Variants in NEXN observed in about 807,000 individuals in gnomAD.
The protein encoded by NEXN is nexilin.
NEXN carries 65 observed loss-of-function variants against 92.6 expected under a neutral mutation model. The observed-to-expected ratio is 0.70, with a 90% CI of 0.57 to 0.86. The LOEUF (loss-of-function observed/expected upper bound fraction) is 0.86. NEXN is among the 40% of genes least tolerant of loss of function. The pLI is 0.00. For missense variants in NEXN, 778 were observed against 771.1 expected (o/e 1.01, Z -0.11); for synonymous variants, 254 against 242.5 (o/e 1.05, Z -0.44).
rs752321632 is a variant in NEXN, at chr1:77,926,818, A to C, written c.790A>C (p.Lys264Gln). 2 of 1,614,054 alleles carry C rather than the reference A, an allele frequency of 1.2e-6. No individual in the cohort carries two copies. Among genetic ancestry groups the C allele is most frequent in the Non-Finnish European group, 1.7e-6 (2 of 1,180,002 alleles). Residue 264 changes from lysine to glutamine, a missense_variant, in exon 8 of 13, where the codon AAG (lysine) becomes CAG (glutamine). Physicochemically the swap from Lys to Gln is moderately conservative, Grantham distance 53 (BLOSUM62 1). Coordinates refer to ENST00000334785, the MANE Select transcript of NEXN (RefSeq NM_144573.4). ...LERQRQENRK[K>Q]QAEEEARKRL... Reference sequence around the variant, plus strand: ...GCGACAAAGACAAGAAAACCGAAAGAAGCAAGCTGAAGAGGAAGCAAGAAA... The same window carrying C: ...GCGACAAAGACAAGAAAACCGAAAGCAGCAAGCTGAAGAGGAAGCAAGAAA...
At chr1:77,931,647 C>T (rs1254367942) in intron 9 of NEXN, 2 of 152,088 alleles carry the variant, frequency 1.3e-5, no homozygotes, top group African/African-American at 4.8e-5. Context: ...GTTTTCTTAT[C>T]CACAAATAAG....
Position 77,927,044 on chromosome 1 carries a change from T to C in NEXN, c.864+152T>C, listed in dbSNP as rs948986989. On this transcript the variant is annotated intron_variant, in intron 8 of 12. Coordinates refer to ENST00000334785, the MANE Select transcript of NEXN (RefSeq NM_144573.4). ...TTTCATATATAAAATACATCTAGGC[T>C]AGGCACGGTGGCTCATGCTGTAATC... is the stretch of plus-strand genomic sequence containing the variant. 2.8e-5 allele frequency: 31 copies of C among 1,089,750 alleles called. No homozygotes were observed. In the African/African-American group the frequency reaches 4.3e-4, roughly 15 times the overall value. The allele number at this position is 1,089,750 out of a possible 1,614,324, so 67.5% of individuals were successfully genotyped here. A position where few individuals can be genotyped will look rare whatever the true frequency, so the allele number is the denominator to read the frequency against.
chr1:77,931,516 CT>C (rs1650309603), intron 9 of NEXN: 1 of 150,956 alleles, frequency 6.6e-6, no homozygotes, highest in Non-Finnish European at 1.5e-5. Flanking sequence ...CCAATACTGC[CT>C]TTTTACCATG....
At chr1:77,893,801 G>T (rs1647160054) in intron 1 of NEXN, among the ~76,000 whole-genome samples, 1 of 151,608 alleles carries the variant, frequency 6.6e-6, no homozygotes, top group Admixed American at 6.6e-5. Flanking sequence ...ATCAAGGCAG[G>T]TTGAAAGATT....
chr1:77,927,608 G>C (rs796823488), intron 8 of NEXN, among the ~76,000 whole-genome samples: 6,749 of 145,678 alleles, frequency 0.046, 185 homozygotes, highest in South Asian at 0.13. Flanking sequence ...GTGTCTGTGT[G>C]TGTGTGTGTG....
chr1:77,890,826 T>C (rs576083083), intron 1 of NEXN, among the ~76,000 whole-genome samples: 170 of 152,106 alleles, frequency 1.1e-3, no homozygotes, highest in Non-Finnish European at 1.6e-3. Context: ...TGTGGAAAAG[T>C]ATGTAACAGA....
intron 1 of NEXN, among the ~76,000 whole-genome samples, chr1:77,910,823 CTG>C (rs1648520265): frequency 6.8e-6 from 1 of 148,114 alleles, no homozygotes; most frequent in African/African-American, 2.5e-5. Flanking sequence ...AATACAAAAA[CTG>C]TATTTTTTAA....
At chr1:77,921,960 G>T (rs542533595) in intron 5 of NEXN, among the ~76,000 whole-genome samples, 1 of 152,038 alleles carries the variant, frequency 6.6e-6, no homozygotes, top group African/African-American at 2.4e-5. Context: ...TAGAGATGGG[G>T]TCTCACTTTG....
intron 1 of NEXN, among the ~76,000 whole-genome samples, chr1:77,898,793 A>G (rs1453277590): frequency 6.6e-6 from 1 of 152,184 alleles, no homozygotes. Flanking sequence ...AGAATCTACA[A>G]TGAACTCAAA....
chr1:77,900,415 A>G (rs1305006614), intron 1 of NEXN, among the ~76,000 whole-genome samples: 1 of 152,308 alleles, frequency 6.6e-6, no homozygotes, highest in African/African-American at 2.4e-5. Context: ...TATAATAATT[A>G]GTACATCTAT....
rs1258854385 is a variant in NEXN at position 77,906,127 on chromosome 1, A to G, written c.-52-9928A>G. 4.6e-5 allele frequency among the ~76,000 whole-genome samples: 7 copies of G among 152,144 alleles called. No individual in the cohort carries two copies. The East Asian group carries it at 1.3e-3, about 29-fold the overall frequency. ...AGAGAAGGAATGCTCAGAGACATGAAAAAACAGAGGGAGAATAGTGTTATG... is the reference window on the plus strand; with the variant it reads ...AGAGAAGGAATGCTCAGAGACATGAGAAAACAGAGGGAGAATAGTGTTATG... On this transcript the variant is annotated intron_variant, in intron 1 of 12. Transcript: ENST00000334785.
At chr1:77,914,010 C>T (rs978970082) in intron 1 of NEXN, among the ~76,000 whole-genome samples, 1 of 152,170 alleles carries the variant, frequency 6.6e-6, no homozygotes, top group Admixed American at 6.5e-5. Context: ...GTGGTTCCAA[C>T]TGTATGACAT....
intron 1 of NEXN, among the ~76,000 whole-genome samples, chr1:77,915,836 T>C (rs1648931629): frequency 6.6e-6 from 1 of 152,196 alleles, no homozygotes; most frequent in African/African-American, 2.4e-5. Flanking sequence ...ATCAAGCTAT[T>C]CTGGATCAAA....
At chr1:77,921,571 A>T (rs1356044008) in intron 5 of NEXN, among the ~76,000 whole-genome samples, 1 of 151,944 alleles carries the variant, frequency 6.6e-6, no homozygotes, top group Non-Finnish European at 1.5e-5. Flanking sequence ...CAGCCTCCTA[A>T]GTAGCTGGGA....
At position 77,914,844 on chromosome 1, in the gene NEXN, C is replaced by T. The variant is rs1452029149; in HGVS notation, c.-52-1211C>T. Among the ~76,000 whole-genome samples the T allele has an allele frequency of 8.4e-5, 12 of 142,696 alleles. 1 individual carries two copies. The highest frequency in any genetic ancestry group is 2.2e-4 in the Admixed American group (3 of 13,892). The allele number at this position is 142,696 out of a possible 152,430, so 93.6% of individuals were successfully genotyped here. On this transcript the variant is annotated intron_variant, in intron 1 of 12. Transcript: ENST00000334785. ...TGCACTCCAGCCTGGGCAACAAGAG[C>T]GAAACTACGTCTCAAAAAAAAAAAA...
intron 1 of NEXN, among the ~76,000 whole-genome samples, chr1:77,889,771 C>A (rs1252610783): frequency 2.6e-5 from 4 of 152,126 alleles, no homozygotes; most frequent in Non-Finnish European, 5.9e-5. Flanking sequence ...GAAATTAGTT[C>A]CCTGACCAAA....
In NEXN at chr1:77,897,358, C is replaced by T. The variant is rs1310901725; in HGVS notation, c.-53+8599C>T. Among the ~76,000 whole-genome samples, 22 of 152,162 alleles carry T rather than the reference C, an allele frequency of 1.4e-4. No individual in the cohort carries two copies. The East Asian group carries it at 1.9e-3, about 13-fold the overall frequency. Reference sequence around the variant, plus strand: ...TGGGATGTGAGGCTGGTTCAATATACGCAAATCAATAAATGTAATCCAGCA... The same window carrying T: ...TGGGATGTGAGGCTGGTTCAATATATGCAAATCAATAAATGTAATCCAGCA... On this transcript the variant is annotated intron_variant, in intron 1 of 12. Coordinates refer to ENST00000334785, the MANE Select transcript of NEXN (RefSeq NM_144573.4).
At chr1:77,893,814 A>C (rs1248645227) in intron 1 of NEXN, among the ~76,000 whole-genome samples, 1 of 152,038 alleles carries the variant, frequency 6.6e-6, no homozygotes, top group Non-Finnish European at 1.5e-5. Context: ...GAAAGATTCA[A>C]AAGATTCTTG....
chr1:77,909,849 T>C (rs1648420365), intron 1 of NEXN, among the ~76,000 whole-genome samples: 1 of 152,170 alleles, frequency 6.6e-6, no homozygotes, highest in Admixed American at 6.5e-5. Context: ...TCCCAACTCA[T>C]TCTATAAAGA....
Sources: gnomAD v4.1 joint callset for allele counts (sites outside exome capture counted in the v4.1 genomes callset) on GRCh38, gnomAD v4.1.1 for gene constraint, MANE v1.5 for transcripts, NCBI Gene and HGNC (gene_info 2026-07-23, HGNC 2026-07-21) for gene names.